CSK: variants seen among roughly 807,000 people sequenced by gnomAD.
CSK encodes tyrosine-protein kinase CSK.
In CSK, 7 loss-of-function variants were observed where a neutral mutation model predicts 62.3. The ratio of observed to expected loss-of-function variants is 0.11; its 90% CI spans 0.06 to 0.21. The LOEUF is 0.21. Ranked by LOEUF, CSK falls within the 10% of genes least tolerant of loss-of-function variation. CSK has a pLI of 1.00. For missense variants in CSK, 294 were observed against 613.5 expected (o/e 0.48, Z 5.50); for synonymous variants, 237 against 246.0 (o/e 0.96, Z 0.34).
At chr15:74,787,384 GC>G (rs1245124242) in intron 1 of CSK, among the ~76,000 whole-genome samples, 2 of 151,974 alleles carry the variant, frequency 1.3e-5, no homozygotes, top group Non-Finnish European at 2.9e-5. Flanking sequence ...CCATGATGTG[GC>G]CCATTAAGTG....
Position 74,793,401 on chromosome 15 carries a change from C to G in CSK, c.-65-4832C>G, listed in dbSNP as rs2063655065. Among the ~76,000 whole-genome samples, 3 of 152,200 alleles carry G rather than the reference C, an allele frequency of 2.0e-5. No homozygotes were observed. The South Asian group carries it at 6.2e-4, about 32-fold the overall frequency. On this transcript the variant is annotated intron_variant, in intron 1 of 12. Coordinates refer to ENST00000220003, the MANE Select transcript of CSK (RefSeq NM_004383.3). Reference sequence around the variant, plus strand: ...TAGCTGCTTCTGCCTCCTCCCTCCTCCCTCCTCTCCCTTGCCCCTAGGCTA... The same window carrying G: ...TAGCTGCTTCTGCCTCCTCCCTCCTGCCTCCTCTCCCTTGCCCCTAGGCTA...
chr15:74,799,309 C>T lies in CSK; in HGVS notation c.280C>T (p.Arg94Trp), dbSNP rs2063753547. ...CAAGATCACACGGGAGCAGGCTGAG[C>T]GGCTTCTGTACCCGCCGGAGACAGG... ...HGKITREQAE[R>W]LLYPPETGLF... The change falls in exon 5 of 13, where the codon CGG (arginine) becomes TGG (tryptophan). Residue 94 changes from arginine (R) to tryptophan (W), a missense_variant. Physicochemically the swap from Arg to Trp is moderately radical, Grantham distance 101. Around this residue, in one of 3 missense-constraint regions of CSK, gnomAD observed 202 missense variants for 415.7 expected, o/e 0.49. Transcript: ENST00000220003. 2 of 1,611,334 alleles carry T rather than the reference C, an allele frequency of 1.2e-6. No individual in the cohort carries two copies. The highest frequency in any genetic ancestry group is 1.1e-5 in the South Asian group (1 of 90,992).
chr15:74,800,021 C>T (rs565587499), intron 5 of CSK, among the ~76,000 whole-genome samples: 2 of 152,186 alleles, frequency 1.3e-5, no homozygotes, highest in Non-Finnish European at 2.9e-5. Flanking sequence ...GGAAGCCTCC[C>T]GTGTCCCTCT....
At position 74,800,847 on chromosome 15, in the gene CSK, G is replaced by A; in HGVS notation, c.647G>A (p.Gly216Glu). Residue 216 changes from glycine (G) to glutamate (E), a missense_variant, in exon 8 of 13, where the codon GGG becomes GAG. Around this residue, in one of 3 missense-constraint regions of CSK, gnomAD observed 202 missense variants for 415.7 expected, o/e 0.49. Coordinates refer to ENST00000220003, the MANE Select transcript of CSK (RefSeq NM_004383.3). Reference sequence around the variant, plus strand: ...GACGTGATGCTGGGCGATTACCGAGGGAACAAAGTCGCCGTCAAGTGCATT... The same window carrying A: ...GACGTGATGCTGGGCGATTACCGAGAGAACAAAGTCGCCGTCAAGTGCATT... Reference protein sequence around the residue: ...FGDVMLGDYRGNKVAVKCIKN... With the variant: ...FGDVMLGDYRENKVAVKCIKN... 6.2e-7 allele frequency: 1 copy of A among 1,613,314 alleles called. No homozygotes were observed. Among genetic ancestry groups the A allele is most frequent in the Non-Finnish European group, 8.5e-7 (1 of 1,179,908 alleles).
chr15:74,785,994 C>T (rs2063510486), intron 1 of CSK, among the ~76,000 whole-genome samples: 1 of 54,646 alleles, frequency 1.8e-5, no homozygotes, highest in African/African-American at 5.6e-5. Flanking sequence ...TTCTCTCTCT[C>T]TCTCTCTCTT....
Position 74,800,911 on chromosome 15 carries a change from C to A in CSK, c.711C>A (p.Ala237=). ...DATAQAFLAE[A]SVMTQLRHSN... ...CTGCCCAGGCCTTCCTGGCTGAAGC[C>A]TCAGTCATGACGTGAGTGGGGGCGG... The change falls in exon 8 of 13, where the codon GCC becomes GCA. Residue 237 remains alanine, a synonymous_variant. Transcript: ENST00000220003. 1 of 1,613,128 alleles carries A rather than the reference C, an allele frequency of 6.2e-7. No homozygotes were observed. Among genetic ancestry groups the A allele is most frequent in the East Asian group, 2.2e-5 (1 of 44,892 alleles).
At chr15:74,795,688 A>G (rs1473663245) in intron 1 of CSK, among the ~76,000 whole-genome samples, 3 of 152,148 alleles carry the variant, frequency 2.0e-5, no homozygotes, top group African/African-American at 7.2e-5. Flanking sequence ...TGGGGAGTCA[A>G]CTTTATTGAA....
Position 74,800,900 on chromosome 15 carries a change from C to T in CSK, c.700C>T (p.Leu234=). The T allele has an allele frequency of 6.2e-7, 1 of 1,613,102 alleles. No homozygotes were observed. Among genetic ancestry groups the T allele is most frequent in the Non-Finnish European group, 8.5e-7 (1 of 1,180,012 alleles). The part of the protein sequence containing the change: ...IKNDATAQAF[L]AEASVMTQLR... ...GAACGACGCCACTGCCCAGGCCTTCCTGGCTGAAGCCTCAGTCATGACGTG... is the reference window on the plus strand; with the variant it reads ...GAACGACGCCACTGCCCAGGCCTTCTTGGCTGAAGCCTCAGTCATGACGTG... The change falls in exon 8 of 13, where the codon CTG becomes TTG. Residue 234 remains leucine (L), a synonymous_variant. Coordinates refer to ENST00000220003, the MANE Select transcript of CSK (RefSeq NM_004383.3).
At chr15:74,787,680 T>C (rs1463223863) in intron 1 of CSK, among the ~76,000 whole-genome samples, 2 of 152,138 alleles carry the variant, frequency 1.3e-5, no homozygotes, top group African/African-American at 4.8e-5. Flanking sequence ...CCACCCCTCC[T>C]TCTGTGGTCT....
rs2063742079 is a variant in CSK at position 74,798,601 on chromosome 15, C to T, written c.16-14C>T. 1.2e-6 allele frequency: 2 copies of T among 1,611,144 alleles called. No homozygotes were observed. The highest frequency in any genetic ancestry group is 1.7e-6 in the Non-Finnish European group (2 of 1,178,348). On this transcript the variant is annotated splice_polypyrimidine_tract_variant and intron_variant, in intron 2 of 12. Transcript: ENST00000220003. This position sits in a 1 kb window ranked among gnomAD's most constrained non-coding sequence, Gnocchi z 6.6. ...GCCCAGGCTGCACCCGCCCACGTGT[C>T]ACCTGCCTTGCAGGCCGCCTGGCCA...
Position 74,798,965 on chromosome 15 carries a change from A to G in CSK, c.242+27A>G, listed in dbSNP as rs200650939. The G allele has an allele frequency of 6.8e-7, 1 of 1,480,938 alleles. No individual in the cohort carries two copies. Among genetic ancestry groups the G allele is most frequent in the Admixed American group, 2.3e-5 (1 of 43,434 alleles). 91.7% of individuals were successfully genotyped at this position (1,480,938 alleles called of 1,614,324 possible). ...TGAGTACCACGAGGAGGGGTTGGGGAGGGAAGGGGCCTTGGTCCTCCTGAA... is the reference window on the plus strand; with the variant it reads ...TGAGTACCACGAGGAGGGGTTGGGGGGGGAAGGGGCCTTGGTCCTCCTGAA... On this transcript the variant is annotated intron_variant, in intron 4 of 12. Coordinates refer to ENST00000220003, the MANE Select transcript of CSK (RefSeq NM_004383.3). This position sits in a 1 kb window ranked among gnomAD's most constrained non-coding sequence, Gnocchi z 6.6.
intron 1 of CSK, among the ~76,000 whole-genome samples, chr15:74,786,758 C>T (rs926061867): frequency 6.6e-5 from 10 of 152,140 alleles, no homozygotes; most frequent in Admixed American, 2.0e-4. Flanking sequence ...CTCCTCCTGG[C>T]AACCCTGGGC....
chr15:74,786,002 C>CTTTTTTTTTTTCTTTTTTT lies in CSK; in HGVS notation c.-66+3293_-66+3294insCTTTTTTTTTTTTTTTTTT, dbSNP rs1555464577. ...AGGCCTCTTCTCTCTCTCTCTCTCT[C>CTTTTTTTTTTTCTTTTTTT]TTTTTTTTTTTTGTGTGTGTGTGTG... On this transcript the variant is annotated intron_variant, in intron 1 of 12. Coordinates refer to ENST00000220003, the MANE Select transcript of CSK (RefSeq NM_004383.3). 1.7e-3 allele frequency among the ~76,000 whole-genome samples: 124 copies of CTTTTTTTTTTTCTTTTTTT among 73,590 alleles called. 6 individuals are homozygous for CTTTTTTTTTTTCTTTTTTT. Among genetic ancestry groups the CTTTTTTTTTTTCTTTTTTT allele is most frequent in the Middle Eastern group, 0.018 (2 of 114 alleles). 48.3% of individuals were successfully genotyped at this position (73,590 alleles called of 152,430 possible). A position where few individuals can be genotyped will look rare whatever the true frequency, so the allele number is the denominator to read the frequency against.
chr15:74,801,021 G>A lies in CSK; in HGVS notation c.732G>A (p.Arg244=), dbSNP rs753180143. ...TCTCGTCCTGCCCCAGGCAACTGCG[G>A]CATAGCAACCTGGTGCAGCTCCTGG... The part of the protein sequence containing the change: ...LAEASVMTQL[R]HSNLVQLLGV... Residue 244 remains arginine, a synonymous_variant, in exon 9 of 13, where the codon CGG becomes CGA. Transcript: ENST00000220003. The A allele has an allele frequency of 1.9e-6, 3 of 1,613,360 alleles. No homozygotes were observed. The highest frequency in any genetic ancestry group is 1.1e-5 in the South Asian group (1 of 91,080).
chr15:74,802,234 C>A, intron 12 of CSK, 97 bp from the exon 13 acceptor site: 1 of 1,431,300 alleles, frequency 7.0e-7, no homozygotes, highest in Non-Finnish European at 9.4e-7. Flanking sequence ...GGGCCTGGGT[C>A]TGCGGCAAAG....
chr15:74,787,318 C>G (rs1372481846), intron 1 of CSK, among the ~76,000 whole-genome samples: 1 of 152,120 alleles, frequency 6.6e-6, no homozygotes, highest in East Asian at 1.9e-4. Flanking sequence ...GTGGCTGAGC[C>G]CCTGCTCCTC....
chr15:74,800,384 T>C (rs1396323520), intron 5 of CSK, 28 bp from the exon 6 acceptor site: 1 of 1,606,612 alleles, frequency 6.2e-7, no homozygotes, highest in Non-Finnish European at 8.5e-7. Context: ...GGGCTGTCTC[T>C]GAGCACCCTG....
chr15:74,796,722 T>C (rs1194435913), intron 1 of CSK, among the ~76,000 whole-genome samples: 2 of 152,138 alleles, frequency 1.3e-5, no homozygotes, highest in Admixed American at 6.5e-5. Context: ...TACAGCTCAG[T>C]GAATTGTCAC....
chr15:74,801,405 C>T (rs189278716), intron 9 of CSK, 117 bp from the exon 10 acceptor site: 441 of 1,007,322 alleles, frequency 4.4e-4, no homozygotes, highest in Non-Finnish European at 4.4e-5. Context: ...CCCCTCCCCA[C>T]TCCTTCCCTG....
Sources: allele counts gnomAD v4.1 joint callset (sites outside exome capture counted in the v4.1 genomes callset), GRCh38; gene constraint gnomAD v4.1.1; regional missense constraint gnomAD v4.1.1; non-coding constraint Gnocchi (gnomAD v3.1); transcripts MANE v1.5; gene names NCBI Gene and HGNC (gene_info 2026-07-23, HGNC 2026-07-21).